SENP2: variants seen among roughly 807,000 people sequenced by gnomAD.
The protein encoded by SENP2 is sentrin-specific protease 2.
Under a neutral mutation model 86.3 loss-of-function variants are expected in SENP2, and 16 were observed. The observed-to-expected ratio is 0.19, with a 90% CI of 0.13 to 0.28. The LOEUF (loss-of-function observed/expected upper bound fraction) is 0.28. Among genes scored for constraint, SENP2 ranks in the 10% least tolerant of loss-of-function variants. SENP2 has a pLI of 1.00. For synonymous variants in SENP2, 222 were observed against 238.7 expected (o/e 0.93, Z 0.64); for missense variants, 552 against 703.0 (o/e 0.79, Z 2.43).
chr3:185,588,114 A>G (rs1200746809), intron 1 of SENP2, among the ~76,000 whole-genome samples: 9 of 116,258 alleles, frequency 7.7e-5, no homozygotes, highest in South Asian at 3.1e-4. Flanking sequence ...CTGGAGTGCA[A>G]TGGCGCGATC....
chr3:185,597,213 A>AGTGT lies in SENP2; in HGVS notation c.158-1185_158-1182dup, dbSNP rs376119566. On this transcript the variant is annotated intron_variant, in intron 2 of 16. Transcript: ENST00000296257. ...AAAGTTGTCATTTCAGAACATTTTG[A>AGTGT]GTGTGTGTGTGTGTGTGAATCAGTA... Among the ~76,000 whole-genome samples the AGTGT allele has an allele frequency of 2.5e-3, 382 of 150,902 alleles. 3 individuals carry two copies. Among genetic ancestry groups the AGTGT allele is most frequent in the African/African-American group, 8.9e-3 (365 of 41,160 alleles).
At chr3:185,624,130 T>C (rs1033827467) in intron 15 of SENP2, 48 bp downstream of exon 15, 1 of 1,328,792 alleles carries the variant, frequency 7.5e-7, no homozygotes, top group Non-Finnish European at 1.1e-6. Context: ...CATTTACTAA[T>C]AGTATATTAT....
chr3:185,629,234 C>T (rs1253525357), intron 16 of SENP2, among the ~76,000 whole-genome samples: 1 of 152,198 alleles, frequency 6.6e-6, no homozygotes, highest in Non-Finnish European at 1.5e-5. Context: ...TTGTACTATA[C>T]TGTATAATTC....
At chr3:185,598,263 C>G in intron 2 of SENP2, 149 bp from the exon 3 acceptor site, 1 of 807,008 alleles carries the variant, frequency 1.2e-6, no homozygotes, top group Admixed American at 2.3e-5. Context: ...ACCTCAGCCT[C>G]CCAAAGTGTT....
intron 16 of SENP2, among the ~76,000 whole-genome samples, chr3:185,626,885 G>A (rs888500710): frequency 2.0e-5 from 3 of 151,696 alleles, no homozygotes; most frequent in Non-Finnish European, 2.9e-5. Context: ...AGACCAGCCT[G>A]ACCAACATGG....
intron 5 of SENP2, among the ~76,000 whole-genome samples, chr3:185,602,832 TAAAAAA>T (rs1156317272): frequency 1.6e-5 from 1 of 63,042 alleles, no homozygotes; most frequent in Non-Finnish European, 2.8e-5. Flanking sequence ...GACTCTGTCT[TAAAAAA>T]AAAAAAAAAA....
chr3:185,596,896 C>T (rs1722193652), intron 2 of SENP2, among the ~76,000 whole-genome samples: 3 of 152,110 alleles, frequency 2.0e-5, no homozygotes, highest in Non-Finnish European at 2.9e-5. Flanking sequence ...TTCTGTCATC[C>T]AGGCTGGAGT....
chr3:185,591,599 C>T (rs1240094318), intron 2 of SENP2, among the ~76,000 whole-genome samples: 1 of 152,164 alleles, frequency 6.6e-6, no homozygotes, highest in Non-Finnish European at 1.5e-5. Flanking sequence ...GATCCACCTG[C>T]CTCAGCCTCC....
intron 11 of SENP2, 102 bp downstream of exon 11, chr3:185,614,842 G>A (rs1243145466): frequency 1.9e-6 from 2 of 1,079,672 alleles, no homozygotes; most frequent in Non-Finnish European, 2.7e-6. Flanking sequence ...CAGGCTAGGG[G>A]TGAATATATG....
chr3:185,589,803 A>G (rs1721916773), intron 1 of SENP2, among the ~76,000 whole-genome samples: 1 of 152,182 alleles, frequency 6.6e-6, no homozygotes, highest in East Asian at 1.9e-4. Context: ...CTGGGACCAC[A>G]CTCACTTACC....
chr3:185,604,956 A>G (rs894441562), intron 5 of SENP2, among the ~76,000 whole-genome samples: 5 of 150,984 alleles, frequency 3.3e-5, no homozygotes, highest in Non-Finnish European at 7.4e-5. Flanking sequence ...GGGTTCCACC[A>G]TGTTGGCCAG....
intron 2 of SENP2, among the ~76,000 whole-genome samples, chr3:185,597,157 T>C (rs900869983): frequency 1.3e-5 from 2 of 152,040 alleles, no homozygotes; most frequent in African/African-American, 4.8e-5. Flanking sequence ...CAGCAAAAAT[T>C]TATTTTATAT....
At chr3:185,599,809 CTTTTTTTTT>C (rs63047860) in intron 4 of SENP2, among the ~76,000 whole-genome samples, 2 of 132,034 alleles carry the variant, frequency 1.5e-5, no homozygotes, top group African/African-American at 5.8e-5. Context: ...TTCTTTCTTT[CTTTTTTTTT>C]TTTTTTTTGA....
At chr3:185,625,197 C>T (rs1404041962) in intron 15 of SENP2, among the ~76,000 whole-genome samples, 4 of 151,876 alleles carry the variant, frequency 2.6e-5, no homozygotes, top group Admixed American at 6.5e-5. Flanking sequence ...CTGCAAGCTC[C>T]GCCTCCCGGG....
At chr3:185,625,145 T>A (rs902152278) in intron 15 of SENP2, among the ~76,000 whole-genome samples, 2 of 151,286 alleles carry the variant, frequency 1.3e-5, no homozygotes, top group Non-Finnish European at 2.9e-5. Context: ...GGAGTCTCGC[T>A]CTGTCGCCTA....
intron 5 of SENP2, among the ~76,000 whole-genome samples, chr3:185,604,230 T>C (rs1375014108): frequency 6.6e-6 from 1 of 152,222 alleles, no homozygotes; most frequent in Admixed American, 6.5e-5. Flanking sequence ...TTTCCAAATA[T>C]TTGGGACTTT....
intron 8 of SENP2, 77 bp downstream of exon 8, chr3:185,611,822 T>C: frequency 9.4e-7 from 1 of 1,065,742 alleles, no homozygotes; most frequent in Non-Finnish European, 1.4e-6. Context: ...GGTAGAAAAT[T>C]GACATTCAAG....
rs1290881442 is a variant in SENP2 at position 185,632,932 on chromosome 3, T to C, written c.*3088T>C. 2.6e-5 allele frequency: 4 copies of C among 152,212 alleles called. No homozygotes were observed. The highest frequency in any genetic ancestry group is 1.3e-4 in the Admixed American group (2 of 15,278). The allele number at this position is 152,212 out of a possible 1,614,324, so 9.4% of individuals were successfully genotyped here. A position where few individuals can be genotyped will look rare whatever the true frequency, so the allele number is the denominator to read the frequency against. On this transcript the variant is annotated 3_prime_UTR_variant, in exon 17 of 17. Transcript: ENST00000296257. The stretch of plus-strand genomic sequence containing the variant: ...AAAATTGATGTGGATTTTAAAAATA[T>C]ACCATTGAGAACACGTATCTTTCTC...
Position 185,629,950 on chromosome 3 carries a change from C to A in SENP2, c.*106C>A, listed in dbSNP as rs1712340150. On this transcript the variant is annotated 3_prime_UTR_variant, in exon 17 of 17. Transcript: ENST00000296257. ...AGTCCCTGCATCACTTCTGTTCTCACAGGTACTGAGCTGTCAAAAGTGCAT... is the reference window on the plus strand; with the variant it reads ...AGTCCCTGCATCACTTCTGTTCTCAAAGGTACTGAGCTGTCAAAAGTGCAT... 2 of 1,143,064 alleles carry A rather than the reference C, an allele frequency of 1.7e-6. No individual in the cohort carries two copies. Among genetic ancestry groups the A allele is most frequent in the African/African-American group, 3.0e-5 (2 of 66,152 alleles). The allele number at this position is 1,143,064 out of a possible 1,614,324, so 70.8% of individuals were successfully genotyped here.
Sources: allele counts gnomAD v4.1 joint callset (sites outside exome capture counted in the v4.1 genomes callset), GRCh38; gene constraint gnomAD v4.1.1; transcripts MANE v1.5; gene names NCBI Gene and HGNC (gene_info 2026-07-23, HGNC 2026-07-21).